The following CACNA2D1 variants were observed in gnomAD, a reference collection of about 807,000 sequenced individuals.
The protein encoded by CACNA2D1 is voltage-dependent calcium channel subunit alpha-2/delta-1.
A neutral mutation model predicts 171.5 loss-of-function variants in CACNA2D1; 53 were observed. The ratio of observed to expected loss-of-function variants is 0.31; its 90% CI spans 0.25 to 0.39. The LOEUF (loss-of-function observed/expected upper bound fraction) is 0.39, where lower values mean the gene tolerates loss of function less well. Ranked by LOEUF, CACNA2D1 falls within the 10% of genes least tolerant of loss-of-function variation. CACNA2D1 has a pLI of 1.00. For synonymous variants in CACNA2D1, 442 were observed against 443.1 expected, an observed-to-expected ratio of 1.00 and a Z score of 0.03; for missense variants, 903 against 1,299.8, an observed-to-expected ratio of 0.69 and a Z score of 4.69.
In CACNA2D1 at chr7:82,421,522, T is replaced by C. The variant is rs532489640; in HGVS notation, c.95+21843A>G. Among the ~76,000 whole-genome samples, 33 of 152,220 alleles carry C rather than the reference T, an allele frequency of 2.2e-4. No homozygotes were observed. In the South Asian group the frequency reaches 6.0e-3, roughly 28 times the overall value. ...GGGAGAGGGCTCAAATCATGGGTGA[T>C]ACATAAAAACAAGAATTTGAATTTG... On this transcript the variant is annotated intron_variant, in intron 1 of 38. Transcript: ENST00000356860.
At position 81,949,472 on chromosome 7, in the gene CACNA2D1, G is replaced by GT. The variant is rs1338715272; in HGVS notation, c.*919dup. 1.3e-5 allele frequency: 2 copies of GT among 151,988 alleles called. No homozygotes were observed. Among genetic ancestry groups the GT allele is most frequent in the Non-Finnish European group, 1.5e-5 (1 of 67,960 alleles). 9.4% of individuals were successfully genotyped at this position (151,988 alleles called of 1,614,324 possible). On this transcript the variant is annotated 3_prime_UTR_variant, in exon 39 of 39. Coordinates refer to ENST00000356860, the MANE Select transcript of CACNA2D1 (RefSeq NM_000722.4). ...CAGTAAGAGAAAAAACAACTGAAAAGTTAAAATAGCAGCAGCATCATGCAA... is the reference window on the plus strand; with the variant it reads ...CAGTAAGAGAAAAAACAACTGAAAAGTTTAAAATAGCAGCAGCATCATGCAA...
chr7:82,428,349 T>A (rs887806668), intron 1 of CACNA2D1, among the ~76,000 whole-genome samples: 1 of 101,598 alleles, frequency 9.8e-6, no homozygotes, highest in Admixed American at 8.4e-5. Context: ...ACAAAAGCCA[T>A]GACACAAGCA....
chr7:82,032,394 T>A (rs1181776122), intron 12 of CACNA2D1, among the ~76,000 whole-genome samples: 1 of 151,820 alleles, frequency 6.6e-6, no homozygotes, highest in Non-Finnish European at 1.5e-5. Flanking sequence ...ATTTTTTGAG[T>A]ATTTAGGAAA....
chr7:82,238,117 C>CTCAA (rs1803830267), intron 3 of CACNA2D1, among the ~76,000 whole-genome samples: 1 of 151,948 alleles, frequency 6.6e-6, no homozygotes, highest in Non-Finnish European at 1.5e-5. Flanking sequence ...GAAACTTTGT[C>CTCAA]ACACAGAAAA....
At chr7:82,156,415 T>C (rs73387919) in intron 4 of CACNA2D1, among the ~76,000 whole-genome samples, 1,589 of 152,230 alleles carry the variant, frequency 0.01, 30 homozygotes, top group African/African-American at 0.036. Context: ...ACTACTGCTA[T>C]AGATCAGTCT....
chr7:82,220,271 T>A (rs1319913332), intron 3 of CACNA2D1, among the ~76,000 whole-genome samples: 1 of 152,214 alleles, frequency 6.6e-6, no homozygotes. Flanking sequence ...TTGACGGTAA[T>A]TATTTTTTTT....
At chr7:82,269,576 T>G (rs912411536) in intron 3 of CACNA2D1, among the ~76,000 whole-genome samples, 1 of 152,216 alleles carries the variant, frequency 6.6e-6, no homozygotes, top group Non-Finnish European at 1.5e-5. Context: ...ATGGTACTTG[T>G]GCATCTACAA....
intron 1 of CACNA2D1, among the ~76,000 whole-genome samples, chr7:82,363,689 G>T (rs558685630): frequency 8.1e-6 from 1 of 123,652 alleles, no homozygotes; most frequent in East Asian, 2.7e-4. Context: ...GCAACTAAGG[G>T]CGAAATAAGT....
At chr7:81,953,863 C>G (rs1233104335) in intron 38 of CACNA2D1, among the ~76,000 whole-genome samples, 1 of 151,990 alleles carries the variant, frequency 6.6e-6, no homozygotes, top group Non-Finnish European at 1.5e-5. Context: ...CTCTTTGGCC[C>G]TTATTTCACT....
chr7:81,974,534 C>G lies in CACNA2D1; in HGVS notation c.1974G>C (p.Leu658=). 6.5e-7 allele frequency: 1 copy of G among 1,529,130 alleles called. No individual in the cohort carries two copies. The highest frequency in any genetic ancestry group is 9.0e-7 in the Non-Finnish European group (1 of 1,105,680). The allele number at this position is 1,529,130 out of a possible 1,614,324, so 94.7% of individuals were successfully genotyped here. A position where few individuals can be genotyped will look rare whatever the true frequency, so the allele number is the denominator to read the frequency against. The change falls in exon 25 of 39, where the codon CTG becomes CTC. Residue 658 remains leucine (L), a synonymous_variant. Transcript: ENST00000356860. ...ATTCAGTGTTATTATCCGATATTTT[C>G]AGGTCATTGCAGTAATCTCTGAAAA... The part of the protein sequence containing the change: ...FIAPRDYCND[L]KISDNNTEFL...
chr7:81,970,905 G>A (rs1413887477), intron 26 of CACNA2D1, 168 bp from the exon 27 acceptor site: 1 of 589,316 alleles, frequency 1.7e-6, no homozygotes, highest in East Asian at 2.9e-5. Context: ...TGTACTTGAA[G>A]GATGTTTAAG....
intron 9 of CACNA2D1, among the ~76,000 whole-genome samples, chr7:82,061,147 G>A (rs2128975762): frequency 6.6e-6 from 1 of 152,208 alleles, no homozygotes; most frequent in East Asian, 1.9e-4. Context: ...TATCCTTCGA[G>A]CTGCCTGCTG....
At chr7:82,151,310 G>C (rs746412145) in intron 4 of CACNA2D1, among the ~76,000 whole-genome samples, 5 of 152,008 alleles carry the variant, frequency 3.3e-5, no homozygotes, top group East Asian at 1.9e-4. Flanking sequence ...CTTTTCTTTA[G>C]AGTAGTAAAT....
intron 3 of CACNA2D1, among the ~76,000 whole-genome samples, chr7:82,177,192 A>G (rs932304012): frequency 6.7e-6 from 1 of 149,962 alleles, no homozygotes; most frequent in East Asian, 2.0e-4. Flanking sequence ...CTTGATCTTT[A>G]TATTTGCTTT....
chr7:82,030,822 T>G (rs1036546638), intron 12 of CACNA2D1, among the ~76,000 whole-genome samples: 3 of 151,906 alleles, frequency 2.0e-5, no homozygotes, highest in African/African-American at 7.2e-5. Flanking sequence ...ATTTGTAAAT[T>G]TTTGAGATAG....
intron 1 of CACNA2D1, among the ~76,000 whole-genome samples, chr7:82,378,711 A>G (rs1361939041): frequency 6.6e-6 from 1 of 152,168 alleles, no homozygotes; most frequent in African/African-American, 2.4e-5. Flanking sequence ...ATACATTAGC[A>G]TCCTAGTTAT....
At position 82,031,371 on chromosome 7, in the gene CACNA2D1, T is replaced by C. The variant is rs1802678666; in HGVS notation, c.1143+1426A>G. Among the ~76,000 whole-genome samples, 10 of 151,978 alleles carry C rather than the reference T, an allele frequency of 6.6e-5. No individual in the cohort carries two copies. The South Asian group carries it at 2.1e-3, about 32-fold the overall frequency. ...TAGTTAATGCATCTGGATATTCCCA[T>C]TCATTTCTGATGATTTCTTTGAAAG... On this transcript the variant is annotated intron_variant, in intron 12 of 38. Coordinates refer to ENST00000356860, the MANE Select transcript of CACNA2D1 (RefSeq NM_000722.4).
At chr7:82,160,111 A>G (rs1563137226) in intron 4 of CACNA2D1, among the ~76,000 whole-genome samples, 1 of 151,978 alleles carries the variant, frequency 6.6e-6, no homozygotes, top group Non-Finnish European at 1.5e-5. Context: ...GGAGGAGTCT[A>G]TGAACTGGAA....
chr7:82,090,602 TTAA>T (rs1811043237), intron 6 of CACNA2D1, among the ~76,000 whole-genome samples: 1 of 152,056 alleles, frequency 6.6e-6, no homozygotes, highest in Admixed American at 6.6e-5. Context: ...GACAGTATAT[TTAA>T]TACTGTCTTT....
Sources: allele counts gnomAD v4.1 joint callset (sites outside exome capture counted in the v4.1 genomes callset), GRCh38; gene constraint gnomAD v4.1.1; transcripts MANE v1.5; gene names NCBI Gene and HGNC (gene_info 2026-07-23, HGNC 2026-07-21).